Variants in CLSTN2 observed in about 807,000 individuals in gnomAD.
CLSTN2 encodes calsyntenin-2.
A neutral mutation model predicts 101.2 loss-of-function variants in CLSTN2; 48 were observed. The ratio of observed to expected loss-of-function variants is 0.47; its 90% confidence interval spans 0.38 to 0.60. The LOEUF is 0.60. CLSTN2 is among the 20% of genes least tolerant of loss of function. CLSTN2 has a pLI of 0.00. For synonymous variants in CLSTN2, 481 were observed against 463.6 expected (o/e 1.04, Z -0.48); for missense variants, 1,160 against 1,238.2 (o/e 0.94, Z 0.95).
chr3:140,553,561 A>T (rs183179921), intron 10 of CLSTN2, among the ~76,000 whole-genome samples: 1 of 152,200 alleles, frequency 6.6e-6, no homozygotes, highest in Non-Finnish European at 1.5e-5. Flanking sequence ...AAGCTGTTAC[A>T]GTAACATATG....
chr3:140,102,826 C>T (rs1465517060), intron 1 of CLSTN2, among the ~76,000 whole-genome samples: 2 of 152,164 alleles, frequency 1.3e-5, no homozygotes, highest in Non-Finnish European at 2.9e-5. Context: ...TGAAGTCAGA[C>T]AGGTCAAGAG....
intron 2 of CLSTN2, among the ~76,000 whole-genome samples, chr3:140,356,234 C>A (rs1315833686): frequency 1.3e-5 from 2 of 152,132 alleles, no homozygotes; most frequent in Non-Finnish European, 2.9e-5. Flanking sequence ...AGAATAGAAA[C>A]AAATCATCAT....
chr3:140,446,523 G>A (rs1213540480), intron 5 of CLSTN2, among the ~76,000 whole-genome samples: 4 of 152,124 alleles, frequency 2.6e-5, no homozygotes, highest in African/African-American at 7.2e-5. Context: ...AGGGCGGATT[G>A]TCTCCTTCCT....
intron 1 of CLSTN2, among the ~76,000 whole-genome samples, chr3:139,949,661 A>G (rs981500173): frequency 6.6e-6 from 1 of 152,208 alleles, no homozygotes; most frequent in South Asian, 2.1e-4. Flanking sequence ...TACCTTTGCT[A>G]TCAGTGAATT....
At chr3:139,974,355 A>C (rs1935774226) in intron 1 of CLSTN2, among the ~76,000 whole-genome samples, 1 of 152,158 alleles carries the variant, frequency 6.6e-6, no homozygotes, top group African/African-American at 2.4e-5. Flanking sequence ...ACCTTCCTCC[A>C]TAAGAATCTC....
At chr3:140,174,003 T>C (rs1397268359) in intron 1 of CLSTN2, among the ~76,000 whole-genome samples, 4 of 152,242 alleles carry the variant, frequency 2.6e-5, no homozygotes, top group Admixed American at 6.5e-5. Flanking sequence ...TATGAAAATT[T>C]CTACAATTGA....
At chr3:139,970,229 C>A (rs1473107522) in intron 1 of CLSTN2, among the ~76,000 whole-genome samples, 2 of 152,126 alleles carry the variant, frequency 1.3e-5, no homozygotes, top group Admixed American at 1.3e-4. Flanking sequence ...GCTAACCTGC[C>A]TGAGTAAGTA....
rs368284266 is a variant in CLSTN2, at chr3:140,085,433, G to A, written c.110-90518G>A. Reference sequence around the variant, plus strand: ...TAAGCTGGTATTTAACCACACTAGGGACATTTCTCCAAGTCTTCTGCTCAC... The same window carrying A: ...TAAGCTGGTATTTAACCACACTAGGAACATTTCTCCAAGTCTTCTGCTCAC... On this transcript the variant is annotated intron_variant, in intron 1 of 16. Transcript: ENST00000458420. Among the ~76,000 whole-genome samples, 12 of 152,256 alleles carry A rather than the reference G, an allele frequency of 7.9e-5. No individual in the cohort carries two copies. The East Asian group carries it at 2.1e-3, about 27-fold the overall frequency.
intron 2 of CLSTN2, among the ~76,000 whole-genome samples, chr3:140,241,060 A>C (rs2086462745): frequency 6.6e-6 from 1 of 152,194 alleles, no homozygotes; most frequent in Non-Finnish European, 1.5e-5. Flanking sequence ...TCAGCTTAGA[A>C]ATCGTGACTT....
intron 1 of CLSTN2, among the ~76,000 whole-genome samples, chr3:140,028,281 G>C (rs2007463427): frequency 6.6e-6 from 1 of 152,176 alleles, no homozygotes; most frequent in Non-Finnish European, 1.5e-5. Context: ...CATGCACAGG[G>C]GAAGAGGGGC....
At chr3:140,474,148 G>T (rs967431367) in intron 8 of CLSTN2, among the ~76,000 whole-genome samples, 1 of 152,126 alleles carries the variant, frequency 6.6e-6, no homozygotes. Context: ...TACCTCACTT[G>T]TGAGCCTTTG....
At chr3:140,032,238 CT>C (rs62708360) in intron 1 of CLSTN2, among the ~76,000 whole-genome samples, 21,966 of 143,092 alleles carry the variant, frequency 0.15, 1,644 homozygotes, top group African/African-American at 0.19. Context: ...CACATGTAAC[CT>C]TTTTTTTTTT....
chr3:139,938,637 G>T (rs1021607584), intron 1 of CLSTN2, among the ~76,000 whole-genome samples: 3 of 152,350 alleles, frequency 2.0e-5, no homozygotes, highest in Admixed American at 2.0e-4. Flanking sequence ...TGGACCCAAA[G>T]AGTTTCTGGA....
At chr3:140,060,979 G>T (rs1039818077) in intron 1 of CLSTN2, among the ~76,000 whole-genome samples, 21 of 152,156 alleles carry the variant, frequency 1.4e-4, no homozygotes, top group Non-Finnish European at 2.9e-5. Flanking sequence ...TAACGATCAG[G>T]ACCAGACATA....
intron 1 of CLSTN2, among the ~76,000 whole-genome samples, chr3:139,969,574 C>T (rs1935659386): frequency 1.3e-5 from 2 of 152,226 alleles, no homozygotes; most frequent in Admixed American, 1.3e-4. Flanking sequence ...GCCATCACTG[C>T]ACCCACCTGT....
At chr3:140,167,068 C>T (rs1039690077) in intron 1 of CLSTN2, among the ~76,000 whole-genome samples, 1 of 152,200 alleles carries the variant, frequency 6.6e-6, no homozygotes, top group Non-Finnish European at 1.5e-5. Flanking sequence ...CAGGCATCAA[C>T]AGCCACTACT....
At chr3:140,043,314 A>G in intron 1 of CLSTN2, among the ~76,000 whole-genome samples, 1 of 151,932 alleles carries the variant, frequency 6.6e-6, no homozygotes, top group East Asian at 1.9e-4. Context: ...TGGCTGCATA[A>G]ATGTCTTCTT....
At chr3:140,522,313 G>A (rs1935047327) in intron 8 of CLSTN2, among the ~76,000 whole-genome samples, 1 of 152,172 alleles carries the variant, frequency 6.6e-6, no homozygotes, top group Non-Finnish European at 1.5e-5. Context: ...GACCGCAGCT[G>A]CTTTTAATTG....
intron 5 of CLSTN2, among the ~76,000 whole-genome samples, chr3:140,439,731 ACACGTG>A (rs2088738134): frequency 7.1e-6 from 1 of 141,172 alleles, no homozygotes; most frequent in African/African-American, 2.6e-5. Flanking sequence ...GCAAACACAC[ACACGTG>A]CACGTGCACA....
Sources: allele counts gnomAD v4.1 joint callset (sites outside exome capture counted in the v4.1 genomes callset), GRCh38; gene constraint gnomAD v4.1.1; transcripts MANE v1.5; gene names NCBI Gene and HGNC (gene_info 2026-07-23, HGNC 2026-07-21).